The following ATL1 variants were observed in gnomAD, a reference collection of about 807,000 sequenced individuals.
The protein encoded by ATL1 is atlastin-1.
A neutral mutation model predicts 75.5 loss-of-function variants in ATL1; 31 were observed. The observed-to-expected ratio is 0.41, with a 90% CI of 0.31 to 0.55. The LOEUF (loss-of-function observed/expected upper bound fraction) is 0.55, where lower values mean the gene tolerates loss of function less well. ATL1 is among the 20% of genes least tolerant of loss of function. The pLI is 0.27. For missense variants in ATL1, 405 were observed against 662.6 expected, an observed-to-expected ratio of 0.61 and a Z score of 4.27; for synonymous variants, 226 against 233.3, an observed-to-expected ratio of 0.97 and a Z score of 0.28.
intron 1 of ATL1, among the ~76,000 whole-genome samples, chr14:50,555,108 TAGAG>T (rs2038749467): frequency 6.6e-6 from 1 of 152,186 alleles, no homozygotes; most frequent in African/African-American, 2.4e-5. Flanking sequence ...GTTGTACCCT[TAGAG>T]AGAATGGATA....
chr14:50,584,502 G>A (rs1338617426), intron 1 of ATL1, among the ~76,000 whole-genome samples: 1 of 152,162 alleles, frequency 6.6e-6, no homozygotes, highest in African/African-American at 2.4e-5. Flanking sequence ...AGGAGATCGA[G>A]ACCATCCTGG....
chr14:50,630,180 TAAC>T (rs1390938313), intron 13 of ATL1, among the ~76,000 whole-genome samples, 171 bp downstream of exon 13: 1 of 152,208 alleles, frequency 6.6e-6, no homozygotes, highest in East Asian at 1.9e-4. Flanking sequence ...TTAAAATATT[TAAC>T]TTTTTCTAGA....
At chr14:50,609,354 T>TA (rs1287168404) in intron 6 of ATL1, among the ~76,000 whole-genome samples, 1 of 151,734 alleles carries the variant, frequency 6.6e-6, no homozygotes, top group Non-Finnish European at 1.5e-5. Context: ...ATAGATAAAC[T>TA]AAAAAGTAGG....
chr14:50,605,002 T>A (rs1462833152), intron 6 of ATL1, among the ~76,000 whole-genome samples: 2 of 152,014 alleles, frequency 1.3e-5, no homozygotes, highest in Non-Finnish European at 2.9e-5. Context: ...GATCAAGCAA[T>A]GGGCTACAAA....
Position 50,535,550 on chromosome 14 carries a change from T to C in ATL1, c.-140+2183T>C, listed in dbSNP as rs185838169. Among the ~76,000 whole-genome samples, 13 of 152,388 alleles carry C rather than the reference T, an allele frequency of 8.5e-5. No homozygotes were observed. In the East Asian group the frequency reaches 1.9e-3, roughly 23 times the overall value. On this transcript the variant is annotated intron_variant, in intron 1 of 13. Coordinates refer to the ATL1 transcript ENST00000441560. Reference sequence around the variant, plus strand: ...ATGTTGGAAGACATTGCCACAATTATGATTTGGATTTTTAAATAATTATTA... The same window carrying C: ...ATGTTGGAAGACATTGCCACAATTACGATTTGGATTTTTAAATAATTATTA...
intron 12 of ATL1, among the ~76,000 whole-genome samples, chr14:50,629,391 G>A (rs929528314): frequency 2.0e-5 from 3 of 152,006 alleles, no homozygotes; most frequent in Non-Finnish European, 2.9e-5. Context: ...AGACCAGCCT[G>A]GCCAACATGG....
chr14:50,537,988 T>C (rs1396592293), intron 1 of ATL1, among the ~76,000 whole-genome samples: 1 of 152,086 alleles, frequency 6.6e-6, no homozygotes, highest in East Asian at 1.9e-4. Flanking sequence ...GCATGATTGG[T>C]TTTGAAACGT....
chr14:50,600,972 T>G (rs2039266361), intron 6 of ATL1, among the ~76,000 whole-genome samples: 1 of 151,868 alleles, frequency 6.6e-6, no homozygotes, highest in South Asian at 2.1e-4. Context: ...CACAAAGAAC[T>G]ACAGCGCCTG....
chr14:50,594,101 A>G (rs1021197683), intron 5 of ATL1, among the ~76,000 whole-genome samples: 11 of 152,240 alleles, frequency 7.2e-5, no homozygotes, highest in Admixed American at 2.6e-4. Context: ...ACAGTTCAGC[A>G]TGGCTGGAAA....
intron 6 of ATL1, among the ~76,000 whole-genome samples, chr14:50,606,023 CA>C (rs1347720899): frequency 6.6e-6 from 1 of 151,838 alleles, no homozygotes; most frequent in Non-Finnish European, 1.5e-5. Flanking sequence ...TTTAGAAGGT[CA>C]GGGGAAGGAG....
In ATL1 at chr14:50,629,582, C is replaced by CAAA. The variant is rs1385722553; in HGVS notation, c.1552-413_1552-412insAAA. ...GGCAACAAGAGTGAAGCTCCATCTC[C>CAAA]CAAAAAAAAAAAAAAAAACCCTACT... On this transcript the variant is annotated intron_variant, in intron 12 of 13. Transcript: ENST00000358385. 1.7e-4 allele frequency among the ~76,000 whole-genome samples: 24 copies of CAAA among 138,130 alleles called. 5 individuals carry two copies. The highest frequency in any genetic ancestry group is 1.7e-4 in the Non-Finnish European group (11 of 65,466). The allele number at this position is 138,130 out of a possible 152,430, so 90.6% of individuals were successfully genotyped here.
chr14:50,547,099 A>G (rs2038643623), intron 1 of ATL1, among the ~76,000 whole-genome samples: 1 of 152,138 alleles, frequency 6.6e-6, no homozygotes, highest in South Asian at 2.1e-4. Flanking sequence ...TACTTAGGTG[A>G]ACATCTTATA....
intron 8 of ATL1, among the ~76,000 whole-genome samples, chr14:50,619,774 T>C (rs186788069): frequency 6.6e-6 from 1 of 152,322 alleles, no homozygotes; most frequent in East Asian, 1.9e-4. Flanking sequence ...GTCACTATCT[T>C]TTTGAACTCT....
intron 11 of ATL1, among the ~76,000 whole-genome samples, chr14:50,626,990 T>C (rs2140238145): frequency 6.6e-6 from 1 of 152,360 alleles, no homozygotes; most frequent in Middle Eastern, 3.4e-3. Context: ...GACTCCAATT[T>C]TTAAAGAAGT....
intron 6 of ATL1, among the ~76,000 whole-genome samples, chr14:50,598,820 G>A (rs2140213207): frequency 6.6e-6 from 1 of 150,794 alleles, no homozygotes; most frequent in South Asian, 2.1e-4. Flanking sequence ...GAGCCTGGTA[G>A]TCAATAGAGG....
chr14:50,583,316 T>A (rs1212635270), intron 1 of ATL1, among the ~76,000 whole-genome samples: 1 of 152,184 alleles, frequency 6.6e-6, no homozygotes, highest in Non-Finnish European at 1.5e-5. Flanking sequence ...TTTCTACATT[T>A]AAAAAACCCA....
At chr14:50,572,421 T>G (rs978448029) in intron 1 of ATL1, among the ~76,000 whole-genome samples, 5 of 152,176 alleles carry the variant, frequency 3.3e-5, no homozygotes, top group African/African-American at 1.2e-4. Flanking sequence ...TATTTCTTCT[T>G]GAGTCAGTTT....
At chr14:50,549,744 CAG>C (rs1157674100) in intron 1 of ATL1, among the ~76,000 whole-genome samples, 1 of 152,166 alleles carries the variant, frequency 6.6e-6, no homozygotes, top group Non-Finnish European at 1.5e-5. Flanking sequence ...TATAACCCAA[CAG>C]GGGCAGGACT....
At chr14:50,542,055 G>A (rs910865018) in intron 1 of ATL1, among the ~76,000 whole-genome samples, 2 of 125,048 alleles carry the variant, frequency 1.6e-5, no homozygotes, top group African/African-American at 3.0e-5. Flanking sequence ...AAAAGAATAT[G>A]CTGTTATCTG....
Sources: allele counts gnomAD v4.1 joint callset (sites outside exome capture counted in the v4.1 genomes callset), GRCh38; gene constraint gnomAD v4.1.1; transcripts MANE v1.5; gene names NCBI Gene and HGNC (gene_info 2026-07-23, HGNC 2026-07-21).